Variants in STK3 observed in about 807,000 individuals in gnomAD.
STK3 encodes the protein serine/threonine-protein kinase 3.
STK3 carries 41 observed loss-of-function variants against 58.0 expected under a neutral mutation model. That is an observed-to-expected ratio of 0.71 (90% CI 0.55 to 0.92). The LOEUF (loss-of-function observed/expected upper bound fraction) is 0.92, where lower values mean the gene tolerates loss of function less well. Ranked by LOEUF, STK3 falls within the 40% of genes least tolerant of loss-of-function variation. The pLI is 0.00. For missense variants in STK3, 479 were observed against 602.7 expected (o/e 0.79, Z 2.15); for synonymous variants, 170 against 191.0 (o/e 0.89, Z 0.91).
At chr8:98,386,705 C>T (rs971310883) in intron 1 of STK3, among the ~76,000 whole-genome samples, 1 of 152,184 alleles carries the variant, frequency 6.6e-6, no homozygotes, top group Non-Finnish European at 1.5e-5. Flanking sequence ...TGCCAGCGGG[C>T]ATGGTGGCTT....
At chr8:98,727,100 T>C (rs191235953) in intron 4 of STK3, among the ~76,000 whole-genome samples, 3 of 152,190 alleles carry the variant, frequency 2.0e-5, no homozygotes, top group Admixed American at 6.5e-5. Context: ...TCTCAGACCA[T>C]GTATTTCTGG....
intron 8 of STK3, among the ~76,000 whole-genome samples, chr8:98,556,362 C>A (rs972602780): frequency 6.7e-5 from 10 of 149,336 alleles, no homozygotes; most frequent in Non-Finnish European, 1.4e-4. Context: ...CAAACGTGAA[C>A]TCACTATCCC....
At chr8:98,726,366 A>G (rs1827794614) in intron 4 of STK3, among the ~76,000 whole-genome samples, 2 of 152,222 alleles carry the variant, frequency 1.3e-5, no homozygotes, top group Non-Finnish European at 2.9e-5. Flanking sequence ...TTCAATCAAA[A>G]GATTTAGAAA....
chr8:98,697,467 T>C (rs565305128), intron 6 of STK3, among the ~76,000 whole-genome samples: 1 of 152,360 alleles, frequency 6.6e-6, no homozygotes, highest in East Asian at 1.9e-4. Context: ...CAATTTTGGA[T>C]CTTTCCTGCT....
chr8:98,697,214 C>T (rs1825035008), intron 6 of STK3, among the ~76,000 whole-genome samples: 1 of 152,162 alleles, frequency 6.6e-6, no homozygotes, highest in African/African-American at 2.4e-5. Flanking sequence ...TCACCTTTAT[C>T]ATTTTTTATT....
intron 3 of STK3, among the ~76,000 whole-genome samples, chr8:98,832,793 A>G (rs1230119089): frequency 6.6e-6 from 1 of 152,054 alleles, no homozygotes; most frequent in Non-Finnish European, 1.5e-5. Flanking sequence ...TCCTCAAACT[A>G]TCTCCCTCCC....
At chr8:98,569,109 T>G (rs1812745439) in intron 8 of STK3, among the ~76,000 whole-genome samples, 1 of 152,162 alleles carries the variant, frequency 6.6e-6, no homozygotes, top group Non-Finnish European at 1.5e-5. Flanking sequence ...TCAGCATTAT[T>G]GCTGAGCAAG....
downstream of STK3, among the ~76,000 whole-genome samples, chr8:98,369,311 G>A (rs763882748): frequency 1.2e-4 from 19 of 152,154 alleles, no homozygotes; most frequent in Non-Finnish European, 2.1e-4. Context: ...AGCCTAAAAC[G>A]CTACCATTAG....
At chr8:98,506,800 C>T (rs996523370) in intron 10 of STK3, among the ~76,000 whole-genome samples, 6 of 152,166 alleles carry the variant, frequency 3.9e-5, no homozygotes, top group Non-Finnish European at 8.8e-5. Context: ...AGATTCTCTG[C>T]TAGAGTATTT....
chr8:98,368,321 C>T (rs78066753), downstream of STK3, among the ~76,000 whole-genome samples: 283 of 152,258 alleles, frequency 1.9e-3, 1 homozygote, highest in Non-Finnish European at 3.3e-3. Flanking sequence ...CAGGACTTCT[C>T]GCTGAAACAG....
chr8:98,831,459 G>A (rs988934150), intron 3 of STK3, among the ~76,000 whole-genome samples: 1 of 152,110 alleles, frequency 6.6e-6, no homozygotes, highest in African/African-American at 2.4e-5. Flanking sequence ...GTCTCACTAT[G>A]TTACCCAGAC....
chr8:98,399,013 T>A (rs149108991), downstream of STK3, among the ~76,000 whole-genome samples: 1 of 152,324 alleles, frequency 6.6e-6, no homozygotes, highest in Non-Finnish European at 1.5e-5. Flanking sequence ...GTCCCCAGCA[T>A]GGCTACAGAC....
chr8:98,678,867 T>C (rs184321812), intron 6 of STK3, among the ~76,000 whole-genome samples: 81 of 152,336 alleles, frequency 5.3e-4, no homozygotes, highest in African/African-American at 1.7e-3. Context: ...CAAACATGCA[T>C]CACATTTACA....
downstream of STK3, among the ~76,000 whole-genome samples, chr8:98,397,929 C>T (rs796760142): frequency 6.6e-6 from 1 of 152,202 alleles, no homozygotes; most frequent in African/African-American, 2.4e-5. Flanking sequence ...AACCATTCTT[C>T]CTGCACAGCC....
At chr8:98,418,047 C>T (rs1818133343) in intron 3 of STK3, among the ~76,000 whole-genome samples, 1 of 152,104 alleles carries the variant, frequency 6.6e-6, no homozygotes, top group Admixed American at 6.6e-5. Flanking sequence ...GTAGCTGGTA[C>T]TAAAGGTGTG....
At chr8:98,466,344 A>G (rs1211177726) in intron 10 of STK3, among the ~76,000 whole-genome samples, 1 of 152,182 alleles carries the variant, frequency 6.6e-6, no homozygotes. Context: ...TTTTTCTCCA[A>G]TTACACTCTT....
chr8:98,539,452 A>C (rs1054682720), intron 9 of STK3, among the ~76,000 whole-genome samples: 2 of 152,112 alleles, frequency 1.3e-5, no homozygotes, highest in Non-Finnish European at 2.9e-5. Context: ...TCTTCTTGGT[A>C]TCTCTCCTCA....
At chr8:98,715,575 C>A (rs991797960) in intron 4 of STK3, among the ~76,000 whole-genome samples, 1 of 152,134 alleles carries the variant, frequency 6.6e-6, no homozygotes, top group African/African-American at 2.4e-5. Flanking sequence ...ATCAAAACCA[C>A]AATGAGATAC....
intron 3 of STK3, chr8:98,431,800 G>C (rs1204948479): frequency 6.0e-6 from 1 of 167,058 alleles, no homozygotes; most frequent in Non-Finnish European, 1.5e-5. Context: ...CCTTTCGTTG[G>C]AGGAATCCCA....
Sources: gnomAD v4.1 joint callset for allele counts (sites outside exome capture counted in the v4.1 genomes callset) on GRCh38, gnomAD v4.1.1 for gene constraint, MANE v1.5 for transcripts, NCBI Gene and HGNC (gene_info 2026-07-23, HGNC 2026-07-21) for gene names.